Variants in TENM2 observed in about 807,000 individuals in gnomAD.
TENM2 encodes the protein teneurin transmembrane protein 2, also known as teneurin-2.
In TENM2, 52 loss-of-function variants were observed where a neutral mutation model predicts 245.2. The observed-to-expected ratio is 0.21, with a 90% CI of 0.17 to 0.27. TENM2 has a LOEUF of 0.27. TENM2 is among the 10% of genes least tolerant of loss of function. The pLI is 1.00. For synonymous variants in TENM2, 1,363 were observed against 1,438.9 expected, an observed-to-expected ratio of 0.95 and a Z score of 1.19; for missense variants, 3,046 against 3,666.8, an observed-to-expected ratio of 0.83 and a Z score of 4.37.
At chr5:168,100,701 A>C (rs1244829160) in intron 9 of TENM2, among the ~76,000 whole-genome samples, 1 of 152,060 alleles carries the variant, frequency 6.6e-6, no homozygotes, top group East Asian at 1.9e-4. Flanking sequence ...ACATGGACAC[A>C]GGGAGGGGAA....
At chr5:168,165,453 G>A (rs1369602385) in intron 13 of TENM2, among the ~76,000 whole-genome samples, 1 of 152,058 alleles carries the variant, frequency 6.6e-6, no homozygotes, top group Non-Finnish European at 1.5e-5. Context: ...CACACAGAGG[G>A]GAGAGAGGAA....
At chr5:167,213,909 A>T in the TENM2 span, among the ~76,000 whole-genome samples, 1 of 152,370 alleles carries the variant, frequency 6.6e-6, no homozygotes, top group South Asian at 2.1e-4. Flanking sequence ...AAACCACTGC[A>T]AAGCTGATGG....
the TENM2 span, among the ~76,000 whole-genome samples, chr5:167,137,898 C>G: frequency 3.9e-5 from 6 of 152,176 alleles, no homozygotes; most frequent in Non-Finnish European, 7.4e-5. Flanking sequence ...AAATTTGACA[C>G]CATTGCTTTC....
At chr5:167,907,199 T>G (rs1052838501) in intron 3 of TENM2, among the ~76,000 whole-genome samples, 4 of 151,486 alleles carry the variant, frequency 2.6e-5, no homozygotes, top group Non-Finnish European at 5.9e-5. Flanking sequence ...ACCGTTGCAC[T>G]CCAGCCTGTG....
At chr5:167,555,960 A>C (rs1773236968) in intron 2 of TENM2, among the ~76,000 whole-genome samples, 1 of 152,302 alleles carries the variant, frequency 6.6e-6, no homozygotes, top group Middle Eastern at 3.4e-3. Context: ...GAGCCGCATT[A>C]GTTCTCAAAT....
chr5:167,239,060 G>T, the TENM2 span, among the ~76,000 whole-genome samples: 1 of 152,132 alleles, frequency 6.6e-6, no homozygotes, highest in South Asian at 2.1e-4. Flanking sequence ...ATCAGCAGAC[G>T]AAATAAATCC....
chr5:167,832,823 T>TG (rs1459796004), intron 2 of TENM2, among the ~76,000 whole-genome samples: 1 of 152,180 alleles, frequency 6.6e-6, no homozygotes, highest in African/African-American at 2.4e-5. Flanking sequence ...AAAGGCCCAT[T>TG]GTGCAATACG....
chr5:167,031,228 C>G, the TENM2 span, among the ~76,000 whole-genome samples: 28 of 152,232 alleles, frequency 1.8e-4, no homozygotes, highest in African/African-American at 4.8e-4. Context: ...TTCATGGGAA[C>G]ATTCATTAGA....
Position 167,370,895 on chromosome 5 carries a change from A to G in TENM2, c.227-4303A>G. On this transcript the variant is annotated intron_variant, in intron 1 of 28. Coordinates refer to ENST00000518659, the Ensembl canonical transcript of TENM2. ...ATGAGTAGTTTCTCTCTTTCATTCA[A>G]AGCTGCCACAGAGCTTACTGAAAAC... 1.3e-5 allele frequency among the ~76,000 whole-genome samples: 2 copies of G among 152,226 alleles called. 1 individual carries two copies. Among genetic ancestry groups the G allele is most frequent in the African/African-American group, 4.8e-5 (2 of 41,464 alleles).
At chr5:167,655,160 C>T (rs1293640784) in intron 2 of TENM2, among the ~76,000 whole-genome samples, 1 of 151,928 alleles carries the variant, frequency 6.6e-6, no homozygotes, top group Non-Finnish European at 1.5e-5. Flanking sequence ...AAAGGTTTTA[C>T]AAAGAAATAT....
chr5:167,859,028 C>T (rs1771378235), intron 2 of TENM2, among the ~76,000 whole-genome samples: 2 of 150,286 alleles, frequency 1.3e-5, no homozygotes, highest in South Asian at 2.1e-4. Flanking sequence ...AAGTGAGGAG[C>T]GTCTCCGCCC....
intron 2 of TENM2, among the ~76,000 whole-genome samples, chr5:167,619,213 A>G (rs776131084): frequency 2.6e-5 from 4 of 152,108 alleles, no homozygotes; most frequent in Admixed American, 6.6e-5. Flanking sequence ...TCATCACTGT[A>G]TAGGTCAATA....
chr5:167,768,177 A>C (rs188543703), intron 2 of TENM2, among the ~76,000 whole-genome samples: 2 of 152,248 alleles, frequency 1.3e-5, no homozygotes, highest in African/African-American at 4.8e-5. Context: ...ATAACCCTCA[A>C]TATGAAACAA....
chr5:166,993,448 C>A, the TENM2 span, among the ~76,000 whole-genome samples: 2 of 152,088 alleles, frequency 1.3e-5, no homozygotes, highest in African/African-American at 4.8e-5. Flanking sequence ...AATAGCTCAG[C>A]CCGAAAGAGC....
chr5:168,111,310 G>A (rs1340624246), intron 9 of TENM2, among the ~76,000 whole-genome samples: 2 of 152,068 alleles, frequency 1.3e-5, no homozygotes, highest in Non-Finnish European at 2.9e-5. Flanking sequence ...CCTCTGAGCC[G>A]GGGACTCTGA....
At position 168,061,939 on chromosome 5, in the gene TENM2, T is replaced by A. The variant is rs537133669; in HGVS notation, c.1310-121T>A. The stretch of plus-strand genomic sequence containing the variant: ...CTGTAACTTAAAAAGAAACTTGCCA[T>A]GAGTTTAATCTTAATATTAAAACAA... On this transcript the variant is annotated intron_variant, in intron 6 of 28. Transcript: ENST00000518659. 16 of 897,208 alleles carry A rather than the reference T, an allele frequency of 1.8e-5. No homozygotes were observed. In the East Asian group the frequency reaches 4.3e-4, roughly 24 times the overall value. The allele number at this position is 897,208 out of a possible 1,614,324, so 55.6% of individuals were successfully genotyped here. A position where few individuals can be genotyped will look rare whatever the true frequency, so the allele number is the denominator to read the frequency against.
At chr5:167,830,548 C>T (rs1768375763) in intron 2 of TENM2, among the ~76,000 whole-genome samples, 1 of 152,114 alleles carries the variant, frequency 6.6e-6, no homozygotes, top group Admixed American at 6.5e-5. Flanking sequence ...AGCCTGTGGC[C>T]TCAAGGAGTT....
intron 2 of TENM2, among the ~76,000 whole-genome samples, chr5:167,718,234 C>T (rs1314032531): frequency 6.6e-6 from 1 of 152,194 alleles, no homozygotes; most frequent in Admixed American, 6.5e-5. Context: ...ATTGACTCCA[C>T]TCCCCATCCT....
chr5:168,139,321 G>T (rs1755333868), intron 12 of TENM2, among the ~76,000 whole-genome samples: 1 of 152,034 alleles, frequency 6.6e-6, no homozygotes, highest in South Asian at 2.1e-4. Flanking sequence ...CTCTGTATAT[G>T]GCACAACTTG....
Sources: gnomAD v4.1 joint callset for allele counts (sites outside exome capture counted in the v4.1 genomes callset) on GRCh38, gnomAD v4.1.1 for gene constraint, MANE v1.5 for transcripts, NCBI Gene and HGNC (gene_info 2026-07-23, HGNC 2026-07-21) for gene names.